Variants in RFTN2 observed in about 807,000 individuals in gnomAD.
RFTN2 encodes the protein raftlin family member 2, also known as raftlin-2.
In RFTN2, 34 loss-of-function variants were observed where a neutral mutation model predicts 52.7. That is an observed-to-expected ratio of 0.64 (90% confidence interval 0.49 to 0.86). The LOEUF is 0.86. Among genes scored for constraint, RFTN2 ranks in the 40% least tolerant of loss-of-function variants. The probability of loss-of-function intolerance (pLI) is 0.00; values close to 1 mark genes in which losing one functional copy is unlikely to be tolerated. For missense variants in RFTN2, 536 were observed against 600.1 expected (o/e 0.89, Z 1.12); for synonymous variants, 203 against 217.7 (o/e 0.93, Z 0.59).
rs570814893 is a variant in RFTN2 at position 197,672,611 on chromosome 2, T to A, written c.139+2709A>T. On this transcript the variant is annotated intron_variant, in intron 1 of 8. Transcript: ENST00000295049. ...GCCAGATACCTTTCCAAGTAGATCA[T>A]CTTATATTAGGTCCTTTGATCCTTA... Among the ~76,000 whole-genome samples the A allele has an allele frequency of 5.3e-5, 8 of 152,318 alleles. No homozygotes were observed. In the East Asian group the frequency reaches 1.5e-3, roughly 29 times the overall value.
intron 3 of RFTN2, among the ~76,000 whole-genome samples, chr2:197,640,092 C>T (rs1025312854): frequency 3.1e-4 from 47 of 152,184 alleles, no homozygotes; most frequent in African/African-American, 1.1e-3. Flanking sequence ...GGGAGTCTGC[C>T]CGTTCTCAGA....
chr2:197,665,484 C>CTGGATTGATTCCTTTATCAT (rs2106271020), intron 1 of RFTN2, among the ~76,000 whole-genome samples: 1 of 82,158 alleles, frequency 1.2e-5, no homozygotes, highest in South Asian at 3.6e-4. Flanking sequence ...TATCCTCTTG[C>CTGGATTGATTCCTTTATCAT]TGGATTGATT....
At chr2:197,670,326 A>G (rs2089127296) in intron 1 of RFTN2, among the ~76,000 whole-genome samples, 1 of 152,138 alleles carries the variant, frequency 6.6e-6, no homozygotes, top group South Asian at 2.1e-4. Context: ...CCTTTGGGCT[A>G]TTACAAACAA....
intron 1 of RFTN2, among the ~76,000 whole-genome samples, chr2:197,655,648 AC>A (rs2088884271): frequency 6.6e-6 from 1 of 152,048 alleles, no homozygotes; most frequent in Non-Finnish European, 1.5e-5. Context: ...ACATGGTGAA[AC>A]CCTGTCTCTA....
chr2:197,610,937 C>A (rs923665106), intron 7 of RFTN2, among the ~76,000 whole-genome samples: 3 of 152,190 alleles, frequency 2.0e-5, no homozygotes, highest in Admixed American at 2.0e-4. Context: ...GTATGTTGAA[C>A]CAGCCTTGCA....
chr2:197,579,680 T>C (rs1296363125), intron 8 of RFTN2, among the ~76,000 whole-genome samples: 1 of 152,058 alleles, frequency 6.6e-6, no homozygotes, highest in African/African-American at 2.4e-5. Flanking sequence ...CTCCTACCTG[T>C]CCCCTCAGTC....
At chr2:197,662,560 T>C (rs1344399486) in intron 1 of RFTN2, among the ~76,000 whole-genome samples, 1 of 152,194 alleles carries the variant, frequency 6.6e-6, no homozygotes, top group African/African-American at 2.4e-5. Flanking sequence ...TTGTTCTTTT[T>C]TTCCTAAAAT....
At chr2:197,662,374 T>A (rs974796842) in intron 1 of RFTN2, among the ~76,000 whole-genome samples, 1 of 152,162 alleles carries the variant, frequency 6.6e-6, no homozygotes, top group South Asian at 2.1e-4. Context: ...TTGAAGAGGG[T>A]GTCCTTTCCC....
In RFTN2 at chr2:197,629,702, A is replaced by ATTTTAT. The variant is rs71939307; in HGVS notation, c.928+1308_928+1309insATAAAA. Among the ~76,000 whole-genome samples the ATTTTAT allele has an allele frequency of 9.6e-4, 137 of 142,008 alleles. 1 individual carries two copies. Among genetic ancestry groups the ATTTTAT allele is most frequent in the African/African-American group, 3.0e-3 (115 of 38,806 alleles). The allele number at this position is 142,008 out of a possible 152,430, so 93.2% of individuals were successfully genotyped here. A position where few individuals can be genotyped will look rare whatever the true frequency, so the allele number is the denominator to read the frequency against. Reference sequence around the variant, plus strand: ...CACACACACACACACACACACACATATTTATTTTATTTTATTTTATTTTAT... The same window carrying ATTTTAT: ...CACACACACACACACACACACACATATTTTATTTTATTTTATTTTATTTTATTTTAT... On this transcript the variant is annotated intron_variant, in intron 5 of 8. Transcript: ENST00000295049.
chr2:197,673,987 A>G (rs529070989), intron 1 of RFTN2, among the ~76,000 whole-genome samples: 36 of 152,214 alleles, frequency 2.4e-4, no homozygotes, highest in East Asian at 1.9e-4. Flanking sequence ...AGGAAAATCA[A>G]TGGTGTGAAC....
chr2:197,616,275 T>TTTTA (rs2088141121), intron 6 of RFTN2, among the ~76,000 whole-genome samples: 1 of 61,500 alleles, frequency 1.6e-5, no homozygotes, highest in African/African-American at 7.5e-5. Flanking sequence ...CTGCATTTTA[T>TTTTA]TTTATTTTAT....
intron 1 of RFTN2, among the ~76,000 whole-genome samples, chr2:197,665,517 C>CTTTTTTCTTTTTTTTT (rs2089039635): frequency 2.4e-5 from 1 of 41,496 alleles, no homozygotes. Flanking sequence ...TGTACCTTGC[C>CTTTTTTCTTTTTTTTT]TTTTTTTTTT....
intron 8 of RFTN2, among the ~76,000 whole-genome samples, chr2:197,583,819 T>G (rs2087549823): frequency 6.6e-6 from 1 of 151,934 alleles, no homozygotes; most frequent in Non-Finnish European, 1.5e-5. Context: ...GATGTTCCCC[T>G]TCTTGAGTCC....
chr2:197,628,193 C>G (rs1315807203), intron 5 of RFTN2, among the ~76,000 whole-genome samples: 1 of 152,210 alleles, frequency 6.6e-6, no homozygotes, highest in Non-Finnish European at 1.5e-5. Flanking sequence ...GGCAACTTCC[C>G]TGTGTACTCC....
At chr2:197,590,596 G>A (rs1042630409) in intron 8 of RFTN2, among the ~76,000 whole-genome samples, 3 of 152,134 alleles carry the variant, frequency 2.0e-5, no homozygotes, top group East Asian at 1.9e-4. Flanking sequence ...GTGAAGCCAC[G>A]GACTCTCACG....
intron 1 of RFTN2, among the ~76,000 whole-genome samples, chr2:197,661,083 T>A (rs2088970432): frequency 6.6e-6 from 1 of 152,132 alleles, no homozygotes; most frequent in Non-Finnish European, 1.5e-5. Context: ...ATCATTTAAC[T>A]CTCTACCTGT....
chr2:197,659,588 C>T (rs1022159942), intron 1 of RFTN2, among the ~76,000 whole-genome samples: 28 of 149,828 alleles, frequency 1.9e-4, no homozygotes, highest in Admixed American at 1.4e-3. Context: ...GAGGCTGAGG[C>T]GGGTGGATTA....
chr2:197,643,619 C>T (rs1364460152), intron 3 of RFTN2, among the ~76,000 whole-genome samples: 2 of 152,070 alleles, frequency 1.3e-5, no homozygotes, highest in African/African-American at 4.8e-5. Context: ...GTATTCCTTT[C>T]CTGTAATGTA....
chr2:197,643,629 A>G (rs2088705241), intron 3 of RFTN2, among the ~76,000 whole-genome samples: 1 of 152,054 alleles, frequency 6.6e-6, no homozygotes, highest in South Asian at 2.1e-4. Context: ...CCTGTAATGT[A>G]TATTTTGAAA....
Sources: gnomAD v4.1 joint callset for allele counts (sites outside exome capture counted in the v4.1 genomes callset) on GRCh38, gnomAD v4.1.1 for gene constraint, MANE v1.5 for transcripts, NCBI Gene and HGNC (gene_info 2026-07-23, HGNC 2026-07-21) for gene names.